SLC25A12: variants seen among roughly 807,000 people sequenced by gnomAD.
SLC25A12 encodes electrogenic aspartate/glutamate antiporter SLC25A12, mitochondrial.
In SLC25A12, 32 loss-of-function variants were observed where a neutral mutation model predicts 83.3. The observed-to-expected ratio is 0.38, with a 90% CI of 0.29 to 0.52. The LOEUF (loss-of-function observed/expected upper bound fraction) is 0.52, where lower values mean the gene tolerates loss of function less well. Among genes scored for constraint, SLC25A12 ranks in the 20% least tolerant of loss-of-function variants. SLC25A12 has a pLI of 0.84. For synonymous variants in SLC25A12, 267 were observed against 291.1 expected (o/e 0.92, Z 0.84); for missense variants, 611 against 835.6 (o/e 0.73, Z 3.31).
chr2:171,833,464 C>T (rs561442273), intron 8 of SLC25A12, among the ~76,000 whole-genome samples: 7 of 152,226 alleles, frequency 4.6e-5, no homozygotes, highest in East Asian at 1.9e-4. Flanking sequence ...CTTCAGTCTC[C>T]GACTGGTCAC....
intron 5 of SLC25A12, among the ~76,000 whole-genome samples, chr2:171,838,017 A>G (rs941640836): frequency 7.9e-5 from 12 of 152,216 alleles, no homozygotes; most frequent in African/African-American, 2.7e-4. Flanking sequence ...CCTGTGTACT[A>G]TACAAAAGTC....
At chr2:171,876,910 T>C (rs1239548902) in intron 2 of SLC25A12, among the ~76,000 whole-genome samples, 1 of 152,226 alleles carries the variant, frequency 6.6e-6, no homozygotes, top group Non-Finnish European at 1.5e-5. Context: ...ATGGAAGACA[T>C]TGACATAAAG....
At chr2:171,888,728 C>G in intron 2 of SLC25A12, among the ~76,000 whole-genome samples, 1 of 152,170 alleles carries the variant, frequency 6.6e-6, no homozygotes, top group Non-Finnish European at 1.5e-5. Context: ...CAGGTGTGAG[C>G]CACCACACCC....
In SLC25A12 at chr2:171,893,258, C is replaced by T. The variant is rs201557997; in HGVS notation, c.13G>A (p.Val5Met). The part of the protein sequence containing the change: MAVK[V>M]QTTKRGDPHE... ...GGATCCCCTCGCTTAGTTGTCTGCA[C>T]CTGTAAGCAAAAAAGAAAAAAAAGC... Residue 5 changes from valine (V) to methionine (M), a missense_variant and splice_region_variant, in exon 2 of 18, where the codon GTG becomes ATG. Val to Met is a conservative substitution (Grantham distance 21). Coordinates refer to ENST00000422440, the MANE Select transcript of SLC25A12 (RefSeq NM_003705.5). The T allele has an allele frequency of 1.2e-6, 2 of 1,613,870 alleles. No individual in the cohort carries two copies. The highest frequency in any genetic ancestry group is 2.2e-5 in the South Asian group (2 of 91,072).
intron 9 of SLC25A12, among the ~76,000 whole-genome samples, chr2:171,826,371 G>A (rs961296143): frequency 2.0e-5 from 3 of 152,210 alleles, no homozygotes; most frequent in Admixed American, 1.3e-4. Flanking sequence ...ACTTTGGGAG[G>A]CCGAGGCAGG....
At chr2:171,789,828 A>C (rs1053232857) in intron 15 of SLC25A12, among the ~76,000 whole-genome samples, 10 of 151,812 alleles carry the variant, frequency 6.6e-5, no homozygotes, top group Admixed American at 5.3e-4. Context: ...CGGGAGGCAG[A>C]GGTTGCAGTG....
At position 171,820,723 on chromosome 2, in the gene SLC25A12, G is replaced by A. The variant is rs1273130569; in HGVS notation, c.931-5521C>T. Reference sequence around the variant, plus strand: ...AGCCTGGGCGACAGAGCGAGACTCCGTCTCAAAAAAAAAAAAAAAAAGAAA... The same window carrying A: ...AGCCTGGGCGACAGAGCGAGACTCCATCTCAAAAAAAAAAAAAAAAAGAAA... On this transcript the variant is annotated intron_variant, in intron 9 of 17. Transcript: ENST00000422440. Among the ~76,000 whole-genome samples the A allele has an allele frequency of 5.6e-5, 3 of 53,580 alleles. No individual in the cohort carries two copies. The East Asian group carries it at 1.5e-3, about 28-fold the overall frequency. The allele number at this position is 53,580 out of a possible 152,430, so 35.2% of individuals were successfully genotyped here. A position where few individuals can be genotyped will look rare whatever the true frequency, so the allele number is the denominator to read the frequency against.
chr2:171,860,714 T>TA lies in SLC25A12; in HGVS notation c.210-4766dup, dbSNP rs35488959. 2.9e-3 allele frequency among the ~76,000 whole-genome samples: 440 copies of TA among 151,768 alleles called. 1 individual carries two copies. Among genetic ancestry groups the TA allele is most frequent in the Non-Finnish European group, 5.0e-3 (342 of 67,926 alleles). ...GGCTGCACTTTACTCTGAAATGTAT[T>TA]AAAAAAAAGATGGATTGATGGAAGG... On this transcript the variant is annotated intron_variant, in intron 3 of 17. Transcript: ENST00000422440.
Position 171,791,439 on chromosome 2 carries a change from A to G in SLC25A12, c.1585+12T>C, listed in dbSNP as rs1466033458. ...GGAGAATTCTTTCAGTTAAAAAAAA[A>G]TTTGTAGTTACCTGCCATGGCTCCA... On this transcript the variant is annotated intron_variant, in intron 15 of 17. Coordinates refer to ENST00000422440, the MANE Select transcript of SLC25A12 (RefSeq NM_003705.5). The G allele has an allele frequency of 1.2e-6, 2 of 1,612,028 alleles. No individual in the cohort carries two copies. Among genetic ancestry groups the G allele is most frequent in the Admixed American group, 1.7e-5 (1 of 60,004 alleles).
Position 171,819,379 on chromosome 2 carries a change from T to C in SLC25A12, c.931-4177A>G, listed in dbSNP as rs1292352695. On this transcript the variant is annotated intron_variant, in intron 9 of 17. Coordinates refer to ENST00000422440, the MANE Select transcript of SLC25A12 (RefSeq NM_003705.5). Reference sequence around the variant, plus strand: ...TATTTATATTATATATAATATATTATATATAATATATATTATATAATTATA... The same window carrying C: ...TATTTATATTATATATAATATATTACATATAATATATATTATATAATTATA... 1.7e-4 allele frequency among the ~76,000 whole-genome samples: 7 copies of C among 41,340 alleles called. No individual in the cohort carries two copies. The East Asian group carries it at 7.1e-3, about 42-fold the overall frequency. 27.1% of individuals were successfully genotyped at this position (41,340 alleles called of 152,430 possible).
rs534399541 is a variant in SLC25A12 at position 171,793,832 on chromosome 2, G to A, written c.1306-65C>T. On this transcript the variant is annotated intron_variant, in intron 13 of 17. Coordinates refer to ENST00000422440, the MANE Select transcript of SLC25A12 (RefSeq NM_003705.5). Reference sequence around the variant, plus strand: ...GAGCCCGACTGGCAGCGTAAAAAAGGAAAATCCAGCAAAGCCTCCACATCT... The same window carrying A: ...GAGCCCGACTGGCAGCGTAAAAAAGAAAAATCCAGCAAAGCCTCCACATCT... 12 of 1,582,032 alleles carry A rather than the reference G, an allele frequency of 7.6e-6. No homozygotes were observed. The African/African-American group carries it at 1.1e-4, about 14-fold the overall frequency.
intron 13 of SLC25A12, among the ~76,000 whole-genome samples, chr2:171,806,842 C>T (rs1683843928): frequency 6.6e-6 from 1 of 152,198 alleles, no homozygotes; most frequent in Admixed American, 6.5e-5. Flanking sequence ...GCCATAAGGA[C>T]ACCGTACATC....
At chr2:171,869,686 G>A (rs1685416863) in intron 2 of SLC25A12, among the ~76,000 whole-genome samples, 2 of 152,156 alleles carry the variant, frequency 1.3e-5, no homozygotes, top group Non-Finnish European at 2.9e-5. Flanking sequence ...ACTATGGGAT[G>A]ACCAAACATG....
At chr2:171,844,237 GA>G (rs1405404828) in intron 5 of SLC25A12, 131 bp downstream of exon 5, 4 of 885,252 alleles carry the variant, frequency 4.5e-6, no homozygotes, top group African/African-American at 1.7e-5. Flanking sequence ...TGTCTCTGGC[GA>G]GGGGGAAATT....
chr2:171,875,970 A>T (rs1041549573), intron 2 of SLC25A12, among the ~76,000 whole-genome samples: 2 of 152,026 alleles, frequency 1.3e-5, no homozygotes, highest in African/African-American at 4.8e-5. Flanking sequence ...ACATTTAAAA[A>T]TTTTTAAAGT....
At chr2:171,797,139 C>A (rs548203172) in intron 13 of SLC25A12, among the ~76,000 whole-genome samples, 2 of 152,230 alleles carry the variant, frequency 1.3e-5, no homozygotes, top group South Asian at 4.2e-4. Flanking sequence ...TAAATATAAT[C>A]TTTAATATAG....
rs151205225 is a variant in SLC25A12 at position 171,870,492 on chromosome 2, G to A, written c.67-1669C>T. On this transcript the variant is annotated intron_variant, in intron 2 of 17. Transcript: ENST00000422440. ...ACAAATTAGCTGGGCATGATGTCAC[G>A]TGCCTATAGTCCTAACTACTCAGGA... Among the ~76,000 whole-genome samples, 270 of 152,102 alleles carry A rather than the reference G, an allele frequency of 1.8e-3. 1 individual carries two copies. The highest frequency in any genetic ancestry group is 7.3e-3 in the South Asian group (35 of 4,810).
chr2:171,805,792 T>C (rs1029632661), intron 13 of SLC25A12, among the ~76,000 whole-genome samples: 1 of 152,222 alleles, frequency 6.6e-6, no homozygotes, highest in East Asian at 1.9e-4. Flanking sequence ...AATTATATTG[T>C]TTGTATTCTT....
At chr2:171,886,917 G>T (rs533902599) in intron 2 of SLC25A12, among the ~76,000 whole-genome samples, 2 of 151,950 alleles carry the variant, frequency 1.3e-5, no homozygotes, top group South Asian at 4.2e-4. Flanking sequence ...TTAAACCATT[G>T]CCAGCTTGCT....
Sources: gnomAD v4.1 joint callset for allele counts (sites outside exome capture counted in the v4.1 genomes callset) on GRCh38, gnomAD v4.1.1 for gene constraint, MANE v1.5 for transcripts, NCBI Gene and HGNC (gene_info 2026-07-23, HGNC 2026-07-21) for gene names.